NAALADL2: variants seen among roughly 807,000 people sequenced by gnomAD.
NAALADL2 encodes the protein N-acetylated alpha-linked acidic dipeptidase like 2.
In NAALADL2, 76 loss-of-function variants were observed where a neutral mutation model predicts 87.2. That is an observed-to-expected ratio of 0.87 (90% CI 0.72 to 1.05). The LOEUF (loss-of-function observed/expected upper bound fraction) is 1.05. Ranked by LOEUF, NAALADL2 falls within the 50% of genes least tolerant of loss-of-function variation. The pLI is 0.00. For synonymous variants in NAALADL2, 354 were observed against 331.0 expected, an observed-to-expected ratio of 1.07 and a Z score of -0.75; for missense variants, 1,089 against 945.8, an observed-to-expected ratio of 1.15 and a Z score of -1.99.
At chr3:174,539,977 GAAAAAAAAAAAAAAAAAA>G (rs57394560) in intron 1 of NAALADL2, among the ~76,000 whole-genome samples, 1 of 51,178 alleles carries the variant, frequency 2.0e-5, no homozygotes, top group African/African-American at 6.3e-5. Flanking sequence ...GGAAGTTCTG[GAAAAAAAAAAAAAAAAAA>G]AAAAAAAAAA....
chr3:174,560,698 CTTTA>C (rs1276097205), intron 2 of NAALADL2, among the ~76,000 whole-genome samples: 1 of 152,008 alleles, frequency 6.6e-6, no homozygotes, highest in African/African-American at 2.4e-5. Flanking sequence ...CTGTTAGAGA[CTTTA>C]TTTATTTCTC....
intron 2 of NAALADL2, among the ~76,000 whole-genome samples, chr3:174,724,892 A>G (rs1732042163): frequency 6.6e-6 from 1 of 152,118 alleles, no homozygotes; most frequent in African/African-American, 2.4e-5. Context: ...CAACTTTGAG[A>G]ATTACTTAGG....
At chr3:174,890,292 G>A (rs1459986733) in intron 1 of NAALADL2, among the ~76,000 whole-genome samples, 2 of 152,196 alleles carry the variant, frequency 1.3e-5, no homozygotes, top group African/African-American at 2.4e-5. Flanking sequence ...TTCATTCATT[G>A]AGTGGTAGGA....
intron 1 of NAALADL2, among the ~76,000 whole-genome samples, chr3:174,955,747 A>T (rs73881569): frequency 6.6e-6 from 1 of 152,210 alleles, no homozygotes; most frequent in African/African-American, 2.4e-5. Flanking sequence ...TTATAACTTT[A>T]GTGAAGATTA....
chr3:175,296,938 A>G lies in NAALADL2; in HGVS notation c.940-27237A>G, dbSNP rs562031291. Among the ~76,000 whole-genome samples, 19 of 152,284 alleles carry G rather than the reference A, an allele frequency of 1.2e-4. No individual in the cohort carries two copies. In the East Asian group the frequency reaches 3.5e-3, roughly 28 times the overall value. ...CAGGAGCAGAAGACTCAGAATGGCC[A>G]TTAGAACTTTTGGATATTTCCCCTA... is the stretch of plus-strand genomic sequence containing the variant. On this transcript the variant is annotated intron_variant, in intron 4 of 13. Coordinates refer to ENST00000454872, the MANE Select transcript of NAALADL2 (RefSeq NM_207015.3).
chr3:175,771,272 A>G (rs1305550546), intron 13 of NAALADL2, among the ~76,000 whole-genome samples: 1 of 152,168 alleles, frequency 6.6e-6, no homozygotes. Flanking sequence ...CATTTATCTT[A>G]ACTCATTAGT....
chr3:175,079,465 G>C (rs1250273954), intron 1 of NAALADL2: 1 of 152,046 alleles, frequency 6.6e-6, no homozygotes, highest in African/African-American at 2.4e-5. Flanking sequence ...GTTGTTGCTT[G>C]TGCTTTCTGC....
intron 1 of NAALADL2, among the ~76,000 whole-genome samples, chr3:174,934,155 C>T (rs1447444437): frequency 6.6e-6 from 1 of 152,160 alleles, no homozygotes; most frequent in Non-Finnish European, 1.5e-5. Flanking sequence ...TCTTCTACTA[C>T]TACTACTGAC....
intron 1 of NAALADL2, among the ~76,000 whole-genome samples, chr3:174,988,225 G>A (rs543951351): frequency 1.8e-4 from 28 of 152,204 alleles, no homozygotes; most frequent in African/African-American, 6.5e-4. Flanking sequence ...GTCAGGAGAA[G>A]CATTTATTTT....
At chr3:175,063,655 T>G (rs1466789526) in intron 1 of NAALADL2, among the ~76,000 whole-genome samples, 1 of 151,830 alleles carries the variant, frequency 6.6e-6, no homozygotes, top group Non-Finnish European at 1.5e-5. Flanking sequence ...TTTTTTTACT[T>G]CTATTTTTTA....
chr3:175,591,163 G>A (rs1311416963), intron 10 of NAALADL2, among the ~76,000 whole-genome samples: 4 of 152,104 alleles, frequency 2.6e-5, no homozygotes, highest in African/African-American at 9.7e-5. Flanking sequence ...GAAGTGGAAG[G>A]TATAGAGTCC....
intron 9 of NAALADL2, among the ~76,000 whole-genome samples, chr3:175,525,583 A>G (rs1262955883): frequency 1.3e-5 from 2 of 149,750 alleles, no homozygotes; most frequent in African/African-American, 4.9e-5. Context: ...TTGAAAAAGG[A>G]TTTTTTTTTT....
intron 4 of NAALADL2, among the ~76,000 whole-genome samples, chr3:175,267,568 T>C (rs1306685651): frequency 6.6e-6 from 1 of 152,120 alleles, no homozygotes; most frequent in Non-Finnish European, 1.5e-5. Flanking sequence ...AAAAGACAGT[T>C]TATATCAGGA....
At chr3:175,121,095 G>A (rs1726083435) in intron 2 of NAALADL2, among the ~76,000 whole-genome samples, 1 of 151,680 alleles carries the variant, frequency 6.6e-6, no homozygotes, top group Non-Finnish European at 1.5e-5. Context: ...TTCTAGTTTA[G>A]GTTAATATTT....
At chr3:174,913,409 C>T (rs142499017) in intron 1 of NAALADL2, among the ~76,000 whole-genome samples, 23 of 152,206 alleles carry the variant, frequency 1.5e-4, no homozygotes, top group African/African-American at 5.1e-4. Flanking sequence ...AAGGAAAAAC[C>T]GTGTTTACTG....
intron 3 of NAALADL2, among the ~76,000 whole-genome samples, chr3:174,828,980 T>C (rs1253189354): frequency 6.6e-6 from 1 of 152,080 alleles, no homozygotes; most frequent in Non-Finnish European, 1.5e-5. Flanking sequence ...AAAAGAAAAA[T>C]GTTAATCATT....
At chr3:175,118,855 T>C (rs1725692185) in intron 2 of NAALADL2, among the ~76,000 whole-genome samples, 1 of 151,750 alleles carries the variant, frequency 6.6e-6, no homozygotes, top group Admixed American at 6.6e-5. Flanking sequence ...GACTCAAAAT[T>C]ATAGCTGTGG....
At chr3:175,547,132 C>A (rs2149482278) in intron 9 of NAALADL2, among the ~76,000 whole-genome samples, 1 of 152,154 alleles carries the variant, frequency 6.6e-6, no homozygotes, top group East Asian at 1.9e-4. Context: ...GCAAAAAGAA[C>A]AAAGCTGGAG....
intron 4 of NAALADL2, among the ~76,000 whole-genome samples, chr3:175,315,952 C>T (rs1228192443): frequency 6.6e-6 from 1 of 152,020 alleles, no homozygotes; most frequent in Non-Finnish European, 1.5e-5. Context: ...ATATATGACC[C>T]TATATTTAAA....
Sources: allele counts gnomAD v4.1 joint callset (sites outside exome capture counted in the v4.1 genomes callset), GRCh38; gene constraint gnomAD v4.1.1; transcripts MANE v1.5; gene names NCBI Gene and HGNC (gene_info 2026-07-23, HGNC 2026-07-21).